DGKB: variants seen among roughly 807,000 people sequenced by gnomAD.
DGKB encodes diacylglycerol kinase beta, also known as 90 kDa diacylglycerol kinase.
DGKB carries 67 observed loss-of-function variants against 114.3 expected under a neutral mutation model. The observed-to-expected ratio is 0.59, with a 90% CI of 0.48 to 0.72. The LOEUF is 0.72. DGKB is among the 30% of genes least tolerant of loss of function. The pLI, the probability that DGKB is intolerant of heterozygous loss-of-function variation, is 0.00. For synonymous variants in DGKB, 398 were observed against 323.1 expected, an observed-to-expected ratio of 1.23 and a Z score of -2.49; for missense variants, 907 against 975.2, an observed-to-expected ratio of 0.93 and a Z score of 0.93.
intron 23 of DGKB, among the ~76,000 whole-genome samples, chr7:14,313,732 C>A (rs201541693): frequency 0.19 from 28,226 of 151,920 alleles, 3,017 homozygotes; most frequent in Non-Finnish European, 0.24. Context: ...CCCAGGCTTG[C>A]TTAGGTAAAC....
intron 2 of DGKB, among the ~76,000 whole-genome samples, chr7:14,835,914 G>C (rs976697111): frequency 3.9e-5 from 6 of 152,078 alleles, no homozygotes; most frequent in Admixed American, 3.3e-4. Context: ...CTCCCTCTGA[G>C]GCTTACTGCG....
intron 20 of DGKB, among the ~76,000 whole-genome samples, chr7:14,514,120 G>C: frequency 6.6e-6 from 1 of 151,864 alleles, no homozygotes; most frequent in East Asian, 1.9e-4. Flanking sequence ...ATTTGATTTT[G>C]GGTACCACTT....
chr7:14,337,060 C>A (rs1210701709), intron 23 of DGKB, among the ~76,000 whole-genome samples: 1 of 152,162 alleles, frequency 6.6e-6, no homozygotes, highest in African/African-American at 2.4e-5. Context: ...ACAGGCTATA[C>A]AATTACAAAA....
At chr7:14,765,786 T>C (rs1836362518) in intron 2 of DGKB, among the ~76,000 whole-genome samples, 1 of 151,964 alleles carries the variant, frequency 6.6e-6, no homozygotes, top group Non-Finnish European at 1.5e-5. Context: ...AAAACTTCTA[T>C]TGAAAACATA....
chr7:14,750,852 G>A (rs1834022172), intron 4 of DGKB, among the ~76,000 whole-genome samples: 1 of 133,540 alleles, frequency 7.5e-6, no homozygotes, highest in Non-Finnish European at 1.5e-5. Context: ...TGCCCAGGCT[G>A]GAGTGCAATG....
At chr7:14,515,572 C>T (rs1056320459) in intron 20 of DGKB, among the ~76,000 whole-genome samples, 1 of 152,106 alleles carries the variant, frequency 6.6e-6, no homozygotes, top group Non-Finnish European at 1.5e-5. Flanking sequence ...ATTTAGGCAC[C>T]TCATCCAAAA....
chr7:14,245,068 T>C (rs75471221), intron 23 of DGKB, among the ~76,000 whole-genome samples: 50 of 152,150 alleles, frequency 3.3e-4, no homozygotes, highest in African/African-American at 1.1e-3. Context: ...GGAAGGAAAA[T>C]TGAGATTCAT....
At chr7:14,949,954 G>A (rs938399856) in intron 1 of DGKB, among the ~76,000 whole-genome samples, 12 of 151,748 alleles carry the variant, frequency 7.9e-5, no homozygotes, top group African/African-American at 2.9e-4. Flanking sequence ...GCTTGTTGTG[G>A]GGTGGGGGGA....
intron 2 of DGKB, among the ~76,000 whole-genome samples, chr7:14,835,971 G>GA (rs1402214653): frequency 2.6e-5 from 4 of 152,128 alleles, no homozygotes; most frequent in Non-Finnish European, 4.4e-5. Flanking sequence ...GTAAGGCACT[G>GA]AAAATCCATT....
At chr7:14,779,298 G>A (rs369565935) in intron 2 of DGKB, among the ~76,000 whole-genome samples, 16 of 152,336 alleles carry the variant, frequency 1.1e-4, no homozygotes, top group African/African-American at 3.6e-4. Flanking sequence ...AACTTTGGGA[G>A]GCCAAGGCTG....
chr7:14,832,780 A>G (rs1408130408), intron 2 of DGKB, among the ~76,000 whole-genome samples: 1 of 151,972 alleles, frequency 6.6e-6, no homozygotes, highest in Non-Finnish European at 1.5e-5. Context: ...TCCTTGCTCA[A>G]TCTGCTTCCA....
chr7:14,348,027 A>T (rs375537030), intron 21 of DGKB, among the ~76,000 whole-genome samples: 2 of 151,988 alleles, frequency 1.3e-5, no homozygotes, highest in East Asian at 3.9e-4. Flanking sequence ...GTTTCCCCCA[A>T]TGAAAATATC....
chr7:14,497,911 T>G (rs192603817), intron 20 of DGKB, among the ~76,000 whole-genome samples: 353 of 151,978 alleles, frequency 2.3e-3, no homozygotes, highest in African/African-American at 8.1e-3. Context: ...GTGACACTCA[T>G]GGAAGGACAG....
chr7:14,706,099 C>T, intron 6 of DGKB, among the ~76,000 whole-genome samples: 1 of 141,508 alleles, frequency 7.1e-6, no homozygotes, highest in Non-Finnish European at 1.5e-5. Context: ...CACATAGGCT[C>T]AAAATAAAAG....
At chr7:14,369,262 G>A (rs1260344246) in intron 21 of DGKB, among the ~76,000 whole-genome samples, 8 of 151,982 alleles carry the variant, frequency 5.3e-5, no homozygotes, top group Middle Eastern at 6.8e-3. Flanking sequence ...ATCCTTTTTC[G>A]TGGCTGCATA....
intron 21 of DGKB, among the ~76,000 whole-genome samples, chr7:14,475,307 A>C (rs1275999079): frequency 6.6e-6 from 1 of 152,120 alleles, no homozygotes; most frequent in Non-Finnish European, 1.5e-5. Context: ...TGAAATCTGA[A>C]CTATCTGCCA....
At chr7:14,683,909 C>T (rs949632669) in intron 10 of DGKB, among the ~76,000 whole-genome samples, 17 of 152,044 alleles carry the variant, frequency 1.1e-4, no homozygotes, top group African/African-American at 3.9e-4. Flanking sequence ...GAGCAAAATT[C>T]TCATTCCTCA....
intron 23 of DGKB, among the ~76,000 whole-genome samples, chr7:14,297,980 T>G (rs539385710): frequency 6.6e-6 from 1 of 152,068 alleles, no homozygotes; most frequent in Non-Finnish European, 1.5e-5. Context: ...ATAAAATACC[T>G]AGGAATACAA....
At chr7:14,574,478 T>C in intron 19 of DGKB, 106 bp from the exon 20 acceptor site, 1 of 940,580 alleles carries the variant, frequency 1.1e-6, no homozygotes, top group Non-Finnish European at 1.6e-6. Context: ...TAAAGGTAAA[T>C]AATGATTTTG....
Sources: allele counts gnomAD v4.1 joint callset (sites outside exome capture counted in the v4.1 genomes callset), GRCh38; gene constraint gnomAD v4.1.1; transcripts MANE v1.5; gene names NCBI Gene and HGNC (gene_info 2026-07-23, HGNC 2026-07-21).